VAV2: variants seen among roughly 807,000 people sequenced by gnomAD.
VAV2 encodes the protein vav guanine nucleotide exchange factor 2, also known as guanine nucleotide exchange factor VAV2.
In VAV2, 67 loss-of-function variants were observed where a neutral mutation model predicts 132.5. That is an observed-to-expected ratio of 0.51 (90% CI 0.42 to 0.62). The LOEUF is 0.62. VAV2 is among the 20% of genes least tolerant of loss of function. The pLI is 0.00. For missense variants in VAV2, 938 were observed against 1,153.6 expected (o/e 0.81, Z 2.71); for synonymous variants, 492 against 443.5 (o/e 1.11, Z -1.37).
chr9:133,806,826 G>A (rs1835166900), intron 8 of VAV2, among the ~76,000 whole-genome samples: 1 of 152,260 alleles, frequency 6.6e-6, no homozygotes, highest in Non-Finnish European at 1.5e-5. Context: ...GGCTGCCGGA[G>A]CCTGGTGCCA....
chr9:133,852,152 T>C (rs1471890135), intron 3 of VAV2, among the ~76,000 whole-genome samples: 1 of 151,350 alleles, frequency 6.6e-6, no homozygotes, highest in Non-Finnish European at 1.5e-5. Context: ...GTAGGGTGCT[T>C]GAATGATGGG....
At chr9:133,899,009 G>A (rs1040322779) in intron 2 of VAV2, among the ~76,000 whole-genome samples, 3 of 151,742 alleles carry the variant, frequency 2.0e-5, no homozygotes, top group East Asian at 2.0e-4. Context: ...TTTTAGTGGC[G>A]ATGGGGTTTC....
chr9:133,931,478 C>T (rs1241556226), intron 2 of VAV2, among the ~76,000 whole-genome samples: 1 of 104,170 alleles, frequency 9.6e-6, no homozygotes, highest in Non-Finnish European at 2.2e-5. Context: ...CTTCTCCCCT[C>T]CTTTCTTCCC....
chr9:133,987,212 C>T (rs1320410824), intron 1 of VAV2, among the ~76,000 whole-genome samples: 1 of 152,100 alleles, frequency 6.6e-6, no homozygotes, highest in Non-Finnish European at 1.5e-5. Context: ...CACTCTCCAG[C>T]TGTCCAGCTG....
intron 21 of VAV2, among the ~76,000 whole-genome samples, chr9:133,779,387 A>G (rs921694158): frequency 6.6e-6 from 1 of 152,210 alleles, no homozygotes. Context: ...CAAGGAGCCC[A>G]TGGCTCTCCC....
intron 2 of VAV2, among the ~76,000 whole-genome samples, chr9:133,937,077 G>GT (rs1187149628): frequency 6.6e-6 from 1 of 152,222 alleles, no homozygotes; most frequent in Non-Finnish European, 1.5e-5. Context: ...ATTATATACT[G>GT]AATACGCTGC....
chr9:133,856,116 G>A (rs1837375236), intron 3 of VAV2, among the ~76,000 whole-genome samples: 1 of 152,216 alleles, frequency 6.6e-6, no homozygotes, highest in Non-Finnish European at 1.5e-5. Flanking sequence ...CAGAAAGCAG[G>A]CTGGGGGCTG....
chr9:133,815,981 G>T (rs62576516), intron 4 of VAV2, among the ~76,000 whole-genome samples: 36,104 of 152,026 alleles, frequency 0.24, 5,042 homozygotes, highest in African/African-American at 0.39. Flanking sequence ...CCCCAGCTGC[G>T]CCACATCCTC....
chr9:133,961,859 A>G lies in VAV2; in HGVS notation c.205-22640T>C, dbSNP rs909156451. ...GGCCACGCAGGCCTAGGCTGGGAAC[A>G]GGGAGACCCTCACCGTGAGCCTCAT... On this transcript the variant is annotated intron_variant, in intron 1 of 29. Coordinates refer to ENST00000371850, the MANE Select transcript of VAV2 (RefSeq NM_001134398.2). The surrounding 1 kb of genome is among the most constrained non-coding windows in gnomAD (Gnocchi z 4.1). Among the ~76,000 whole-genome samples the G allele has an allele frequency of 2.0e-5, 3 of 152,076 alleles. No individual in the cohort carries two copies. The highest frequency in any genetic ancestry group is 4.4e-5 in the Non-Finnish European group (3 of 67,996).
intron 15 of VAV2, 144 bp from the exon 16 acceptor site, chr9:133,787,404 C>T: frequency 1.0e-6 from 1 of 971,808 alleles, no homozygotes; most frequent in Non-Finnish European, 1.4e-6. Flanking sequence ...GTGGGGTGAT[C>T]AGTGGGGAAA....
At chr9:133,766,003 A>G (rs1833419717) in intron 29 of VAV2, among the ~76,000 whole-genome samples, 1 of 152,226 alleles carries the variant, frequency 6.6e-6, no homozygotes, top group South Asian at 2.1e-4. Context: ...TGAAATAAGG[A>G]TGGTTTTAGA....
At chr9:133,862,231 C>T (rs1178099130) in intron 2 of VAV2, among the ~76,000 whole-genome samples, 1 of 152,248 alleles carries the variant, frequency 6.6e-6, no homozygotes, top group African/African-American at 2.4e-5. Context: ...ACAGCCACTC[C>T]ACAGATCTCC....
At chr9:133,877,826 A>G (rs1161503549) in intron 2 of VAV2, among the ~76,000 whole-genome samples, 1 of 151,606 alleles carries the variant, frequency 6.6e-6, no homozygotes, top group African/African-American at 2.4e-5. Context: ...TATCTCTAAC[A>G]CTACGGCAAT....
chr9:133,965,515 A>T (rs576240679), intron 1 of VAV2, among the ~76,000 whole-genome samples: 2 of 151,504 alleles, frequency 1.3e-5, no homozygotes, highest in African/African-American at 4.9e-5. Flanking sequence ...AAAAAAGTCA[A>T]GAAAGCAATA....
At chr9:133,936,380 T>TACCAGC (rs1840909460) in intron 2 of VAV2, among the ~76,000 whole-genome samples, 1 of 151,952 alleles carries the variant, frequency 6.6e-6, no homozygotes, top group Non-Finnish European at 1.5e-5. Context: ...GTAGCTGGGA[T>TACCAGC]TACATACGCC....
At chr9:133,968,520 G>A (rs1054944118) in intron 1 of VAV2, among the ~76,000 whole-genome samples, 20 of 152,238 alleles carry the variant, frequency 1.3e-4, no homozygotes, top group African/African-American at 4.1e-4. Context: ...GAAGAGAAAC[G>A]CGCTCGGGGC....
rs754736739 is a variant in VAV2, at chr9:133,769,542, G to A, written c.2348-39C>T. The A allele has an allele frequency of 1.3e-6, 2 of 1,583,754 alleles. No individual in the cohort carries two copies. The highest frequency in any genetic ancestry group is 2.3e-5 in the East Asian group (1 of 43,750). ...AGAGAGAACGTGAGGCGGGCAGCAG[G>A]GCATCCACGCACAGTCACGGTGGGC... On this transcript the variant is annotated intron_variant, in intron 27 of 29. Coordinates refer to ENST00000371850, the MANE Select transcript of VAV2 (RefSeq NM_001134398.2). The surrounding 1 kb of genome is among the most constrained non-coding windows in gnomAD (Gnocchi z 8.1).
At chr9:133,860,103 C>T (rs545355787) in intron 3 of VAV2, among the ~76,000 whole-genome samples, 128 of 152,152 alleles carry the variant, frequency 8.4e-4, no homozygotes, top group Non-Finnish European at 1.5e-3. Flanking sequence ...GAGATCGAGA[C>T]CATCCTGGCT....
chr9:133,882,107 G>A (rs1165391830), intron 2 of VAV2, among the ~76,000 whole-genome samples: 2 of 152,228 alleles, frequency 1.3e-5, no homozygotes, highest in Non-Finnish European at 2.9e-5. Flanking sequence ...TGTGTGGCAG[G>A]CCCCAGGCTG....
Sources: gnomAD v4.1 joint callset for allele counts (sites outside exome capture counted in the v4.1 genomes callset) on GRCh38, gnomAD v4.1.1 for gene constraint, Gnocchi (gnomAD v3.1) non-coding constraint, MANE v1.5 for transcripts, NCBI Gene and HGNC (gene_info 2026-07-23, HGNC 2026-07-21) for gene names.